The following MAPK10 variants were observed in gnomAD, a reference collection of about 807,000 sequenced individuals.
MAPK10 encodes the protein mitogen-activated protein kinase 10, also known as JNK3 alpha protein kinase.
In MAPK10, 25 loss-of-function variants were observed where a neutral mutation model predicts 59.3. The observed-to-expected ratio is 0.42, with a 90% CI of 0.31 to 0.59. The LOEUF (loss-of-function observed/expected upper bound fraction) is 0.59. Ranked by LOEUF, MAPK10 falls within the 20% of genes least tolerant of loss-of-function variation. The probability of loss-of-function intolerance (pLI) is 0.15; values close to 1 mark genes in which losing one functional copy is unlikely to be tolerated. For synonymous variants in MAPK10, 190 were observed against 200.5 expected (o/e 0.95, Z 0.44); for missense variants, 351 against 568.9 (o/e 0.62, Z 3.90).
chr4:86,572,712 G>A (rs1003304162), intron 1 of MAPK10, among the ~76,000 whole-genome samples: 1 of 152,294 alleles, frequency 6.6e-6, no homozygotes, highest in African/African-American at 2.4e-5. Flanking sequence ...TCATGAACCT[G>A]GGTCTGAGTT....
chr4:86,054,347 C>T (rs975979998), intron 11 of MAPK10, among the ~76,000 whole-genome samples: 1 of 152,106 alleles, frequency 6.6e-6, no homozygotes, highest in Non-Finnish European at 1.5e-5. Context: ...TTGACAAGCT[C>T]CCACCAACAT....
chr4:86,094,441 A>AT (rs1386001686), intron 9 of MAPK10, among the ~76,000 whole-genome samples: 2 of 152,010 alleles, frequency 1.3e-5, no homozygotes, highest in Non-Finnish European at 2.9e-5. Context: ...TTTCAAATGC[A>AT]TGCAGTATGC....
intron 1 of MAPK10, among the ~76,000 whole-genome samples, chr4:86,413,161 C>T (rs1244329521): frequency 6.6e-6 from 1 of 152,132 alleles, no homozygotes; most frequent in Non-Finnish European, 1.5e-5. Context: ...CAGTCAGGCC[C>T]CTCAGCTGCA....
chr4:86,307,399 G>T (rs762187600), intron 2 of MAPK10, among the ~76,000 whole-genome samples: 1 of 152,176 alleles, frequency 6.6e-6, no homozygotes, highest in African/African-American at 2.4e-5. Context: ...GTATGCATGA[G>T]TGTGGGAACT....
chr4:86,168,999 G>A (rs1395612381), intron 3 of MAPK10, among the ~76,000 whole-genome samples: 1 of 152,152 alleles, frequency 6.6e-6, no homozygotes, highest in Non-Finnish European at 1.5e-5. Flanking sequence ...CTGCAGCTGA[G>A]GGTCCTGTCT....
intron 1 of MAPK10, among the ~76,000 whole-genome samples, chr4:86,521,840 C>T (rs1483623288): frequency 1.3e-5 from 2 of 152,152 alleles, no homozygotes; most frequent in African/African-American, 4.8e-5. Flanking sequence ...CCTACCACCA[C>T]CAATTGTGGT....
intron 1 of MAPK10, among the ~76,000 whole-genome samples, chr4:86,579,643 C>T (rs1762130152): frequency 6.6e-6 from 1 of 151,960 alleles, no homozygotes; most frequent in South Asian, 2.1e-4. Context: ...AAAGTCTGGC[C>T]ACCTTGAAGA....
At chr4:86,146,551 A>G (rs2065052312) in intron 4 of MAPK10, among the ~76,000 whole-genome samples, 1 of 152,184 alleles carries the variant, frequency 6.6e-6, no homozygotes, top group Non-Finnish European at 1.5e-5. Flanking sequence ...GAGTTCTAGC[A>G]GGTGGAATGT....
Position 86,185,173 on chromosome 4 carries a change from G to GA in MAPK10, c.66+9162dup, listed in dbSNP as rs112939280. On this transcript the variant is annotated intron_variant, in intron 3 of 13. Coordinates refer to ENST00000641462, the MANE Select transcript of MAPK10 (RefSeq NM_138982.4). The stretch of plus-strand genomic sequence containing the variant: ...TGTGAACTGGCCCCAGCAGGACACT[G>GA]AAAAAAATCTGGTTCATGTGCAAAA... 3.9e-5 allele frequency among the ~76,000 whole-genome samples: 6 copies of GA among 152,268 alleles called. No individual in the cohort carries two copies. In the East Asian group the frequency reaches 7.7e-4, roughly 20 times the overall value.
At chr4:86,378,139 T>G (rs972314028) in intron 1 of MAPK10, among the ~76,000 whole-genome samples, 1 of 152,184 alleles carries the variant, frequency 6.6e-6, no homozygotes, top group Non-Finnish European at 1.5e-5. Context: ...ACACCATGTC[T>G]CTTCCCTATG....
At chr4:86,405,662 T>C (rs1744276114) in intron 1 of MAPK10, among the ~76,000 whole-genome samples, 1 of 152,210 alleles carries the variant, frequency 6.6e-6, no homozygotes, top group East Asian at 1.9e-4. Flanking sequence ...CCACAGAATA[T>C]GTGAGCATCG....
chr4:86,279,323 A>G (rs1047321181), intron 2 of MAPK10, among the ~76,000 whole-genome samples: 1 of 152,024 alleles, frequency 6.6e-6, no homozygotes, highest in African/African-American at 2.4e-5. Context: ...GCCTCTGATC[A>G]CTTATCTTAG....
At chr4:86,031,554 G>T in intron 11 of MAPK10, 123 bp from the exon 12 acceptor site, 1 of 652,852 alleles carries the variant, frequency 1.5e-6, no homozygotes, top group Non-Finnish European at 2.7e-6. Flanking sequence ...TAAGTTATGA[G>T]GAAATTACAG....
At chr4:86,242,197 G>C (rs2092769381) in intron 2 of MAPK10, among the ~76,000 whole-genome samples, 1 of 152,094 alleles carries the variant, frequency 6.6e-6, no homozygotes, top group Admixed American at 6.5e-5. Flanking sequence ...ATTCAAGGAG[G>C]CTGGAGAACA....
At chr4:86,489,868 C>T (rs1204032204) in intron 1 of MAPK10, among the ~76,000 whole-genome samples, 1 of 152,142 alleles carries the variant, frequency 6.6e-6, no homozygotes, top group Non-Finnish European at 1.5e-5. Flanking sequence ...TGAGTCTCTT[C>T]CAACTCATTC....
chr4:86,439,927 T>G (rs1472907433), intron 1 of MAPK10, among the ~76,000 whole-genome samples: 1 of 152,186 alleles, frequency 6.6e-6, no homozygotes, highest in East Asian at 1.9e-4. Context: ...TGTTCAAACA[T>G]TTCCTGAGTT....
chr4:86,256,511 A>T (rs1453985819), intron 2 of MAPK10, among the ~76,000 whole-genome samples: 2 of 152,164 alleles, frequency 1.3e-5, no homozygotes, highest in South Asian at 4.1e-4. Context: ...GAGAAAAAAA[A>T]TTTTCAGATC....
chr4:86,536,782 C>T (rs1355070122), intron 1 of MAPK10, among the ~76,000 whole-genome samples: 1 of 152,128 alleles, frequency 6.6e-6, no homozygotes, highest in African/African-American at 2.4e-5. Context: ...ATACCGCATT[C>T]CCATAGATTA....
intron 11 of MAPK10, among the ~76,000 whole-genome samples, chr4:86,047,006 CAG>C (rs1171159303): frequency 6.6e-6 from 1 of 152,054 alleles, no homozygotes; most frequent in Non-Finnish European, 1.5e-5. Context: ...TAGAGTGTAA[CAG>C]AGTACTATTC....
Sources: gnomAD v4.1 joint callset for allele counts (sites outside exome capture counted in the v4.1 genomes callset) on GRCh38, gnomAD v4.1.1 for gene constraint, MANE v1.5 for transcripts, NCBI Gene and HGNC (gene_info 2026-07-23, HGNC 2026-07-21) for gene names.